The following NPAS3 variants were observed in gnomAD, a reference collection of about 807,000 sequenced individuals.
NPAS3 encodes neuronal PAS domain protein 3.
Under a neutral mutation model 73.1 loss-of-function variants are expected in NPAS3, and 14 were observed. The observed-to-expected ratio is 0.19, with a 90% CI of 0.13 to 0.30. The LOEUF is 0.30. Among genes scored for constraint, NPAS3 ranks in the 10% least tolerant of loss-of-function variants. The pLI is 1.00. For synonymous variants in NPAS3, 620 were observed against 541.5 expected, an observed-to-expected ratio of 1.14 and a Z score of -2.01; for missense variants, 1,096 against 1,250.0, an observed-to-expected ratio of 0.88 and a Z score of 1.86.
chr14:33,694,022 A>T (rs148692433), intron 6 of NPAS3, among the ~76,000 whole-genome samples: 96 of 152,194 alleles, frequency 6.3e-4, no homozygotes, highest in African/African-American at 2.3e-3. Flanking sequence ...TTTCAAGGAC[A>T]TTTTTATTAC....
chr14:33,591,583 A>C (rs1236621156), intron 5 of NPAS3, among the ~76,000 whole-genome samples: 1 of 152,210 alleles, frequency 6.6e-6, no homozygotes, highest in East Asian at 1.9e-4. Context: ...GTAGTGTTCT[A>C]GGCCTTTCAG....
chr14:32,950,695 CTG>C (rs1386311252), intron 1 of NPAS3, among the ~76,000 whole-genome samples: 1 of 152,098 alleles, frequency 6.6e-6, no homozygotes, highest in East Asian at 1.9e-4. Flanking sequence ...AGGCCTTAAT[CTG>C]TGCCGTATTG....
intron 6 of NPAS3, among the ~76,000 whole-genome samples, chr14:33,685,612 A>G (rs2060067080): frequency 2.6e-5 from 4 of 152,178 alleles, no homozygotes; most frequent in South Asian, 2.1e-4. Context: ...CCATTTATAC[A>G]GAGCAGATTT....
Position 33,700,203 on chromosome 14 carries a change from G to A in NPAS3, c.733+23818G>A, listed in dbSNP as rs543516382. ...TCACCTCTCTGACAAGTGTTATTGC[G>A]ACTGTGTTTTATATCCCTGTTCAGA... On this transcript the variant is annotated intron_variant, in intron 6 of 11. Coordinates refer to ENST00000356141, the Ensembl canonical transcript of NPAS3. Among the ~76,000 whole-genome samples, 11 of 152,210 alleles carry A rather than the reference G, an allele frequency of 7.2e-5. No individual in the cohort carries two copies. The South Asian group carries it at 1.9e-3, about 26-fold the overall frequency.
intron 4 of NPAS3, among the ~76,000 whole-genome samples, chr14:33,472,670 C>T (rs1308938325): frequency 6.7e-6 from 1 of 150,162 alleles, no homozygotes; most frequent in Non-Finnish European, 1.5e-5. Flanking sequence ...GAATGTCAAG[C>T]CCATAGGACT....
At chr14:33,673,465 A>G (rs2059668506) in intron 5 of NPAS3, among the ~76,000 whole-genome samples, 2 of 152,238 alleles carry the variant, frequency 1.3e-5, no homozygotes, top group Non-Finnish European at 2.9e-5. Context: ...CCCCCTGCTG[A>G]CTAAAATGAT....
At chr14:33,365,738 A>T (rs1395637689) in intron 3 of NPAS3, among the ~76,000 whole-genome samples, 1 of 152,222 alleles carries the variant, frequency 6.6e-6, no homozygotes, top group Non-Finnish European at 1.5e-5. Flanking sequence ...GACATTGCAG[A>T]TACAAACTCA....
chr14:32,984,945 AG>A lies in NPAS3; in HGVS notation c.50+45580del, dbSNP rs749293209. ...TTTAATTGCTAAGGACAATTGCATC[AG>A]TGGGGATTTTTCTGACTTGATATCT... is the stretch of plus-strand genomic sequence containing the variant. On this transcript the variant is annotated intron_variant, in intron 1 of 11. Transcript: ENST00000356141. Among the ~76,000 whole-genome samples, 7 of 152,208 alleles carry A rather than the reference AG, an allele frequency of 4.6e-5. No homozygotes were observed. The East Asian group carries it at 1.3e-3, about 29-fold the overall frequency.
At chr14:33,101,333 T>G (rs1469145694) in intron 2 of NPAS3, among the ~76,000 whole-genome samples, 2 of 152,254 alleles carry the variant, frequency 1.3e-5, no homozygotes, top group South Asian at 2.1e-4. Flanking sequence ...ATCCTTATCT[T>G]TAAAAAATAT....
At chr14:33,072,074 A>G (rs1489617054) in intron 2 of NPAS3, among the ~76,000 whole-genome samples, 1 of 152,118 alleles carries the variant, frequency 6.6e-6, no homozygotes, top group African/African-American at 2.4e-5. Context: ...TACTTTTAGT[A>G]GAGATGGGGT....
At chr14:33,635,775 C>T (rs1371439484) in intron 5 of NPAS3, among the ~76,000 whole-genome samples, 24 of 152,226 alleles carry the variant, frequency 1.6e-4, no homozygotes, top group Admixed American at 1.6e-3. Context: ...CTCTGCCCCA[C>T]TCCCTGCCAA....
chr14:33,199,117 C>T (rs996060819), intron 2 of NPAS3, among the ~76,000 whole-genome samples: 2 of 152,182 alleles, frequency 1.3e-5, no homozygotes, highest in Non-Finnish European at 2.9e-5. Context: ...CTGCCCGTGC[C>T]TCTCCCTCCA....
chr14:33,766,434 A>G (rs747389082), intron 7 of NPAS3, among the ~76,000 whole-genome samples: 1 of 152,164 alleles, frequency 6.6e-6, no homozygotes, highest in African/African-American at 2.4e-5. Context: ...CTGATAATTA[A>G]CACTTTTTAT....
intron 3 of NPAS3, among the ~76,000 whole-genome samples, chr14:33,281,383 C>G (rs1044943688): frequency 6.6e-6 from 1 of 152,124 alleles, no homozygotes; most frequent in Admixed American, 6.5e-5. Flanking sequence ...GTAATCCCAG[C>G]ACTTTGGGAG....
At chr14:33,233,630 T>C (rs780443968) in intron 3 of NPAS3, among the ~76,000 whole-genome samples, 104 of 152,142 alleles carry the variant, frequency 6.8e-4, no homozygotes, top group Non-Finnish European at 1.1e-3. Flanking sequence ...TTCTTCTGTA[T>C]GTAATGATTG....
At chr14:33,130,656 A>T (rs997195467) in intron 2 of NPAS3, among the ~76,000 whole-genome samples, 1 of 152,168 alleles carries the variant, frequency 6.6e-6, no homozygotes, top group African/African-American at 2.4e-5. Context: ...GGGGAAATGC[A>T]ATTATTTTCT....
At chr14:33,373,571 T>C (rs1392339284) in intron 4 of NPAS3, among the ~76,000 whole-genome samples, 1 of 152,164 alleles carries the variant, frequency 6.6e-6, no homozygotes, top group East Asian at 1.9e-4. Context: ...TGTACATAAC[T>C]AATAGAGAAA....
At chr14:33,301,326 T>TATATATATATATATATATATATATA (rs55699426) in intron 3 of NPAS3, among the ~76,000 whole-genome samples, 1 of 83,688 alleles carries the variant, frequency 1.2e-5, no homozygotes. Flanking sequence ...ATATATATTT[T>TATATATATATATATATATATATATA]TTTTTTTTAA....
intron 1 of NPAS3, among the ~76,000 whole-genome samples, chr14:33,030,749 A>G (rs2039961591): frequency 6.6e-6 from 1 of 152,160 alleles, no homozygotes; most frequent in Admixed American, 6.6e-5. Flanking sequence ...GTATACTGTA[A>G]AGTCGGTGTA....
Sources: allele counts gnomAD v4.1 joint callset (sites outside exome capture counted in the v4.1 genomes callset), GRCh38; gene constraint gnomAD v4.1.1; transcripts MANE v1.5; gene names NCBI Gene and HGNC (gene_info 2026-07-23, HGNC 2026-07-21).